The following PON3 variants were observed in gnomAD, a reference collection of about 807,000 sequenced individuals.
PON3 encodes serum paraoxonase/lactonase 3.
A neutral mutation model predicts 36.3 loss-of-function variants in PON3; 37 were observed. The observed-to-expected ratio is 1.02, with a 90% CI of 0.78 to 1.34. PON3 has a LOEUF of 1.34. Ranked by LOEUF, PON3 falls within the 40% of genes most tolerant of loss-of-function variation. The probability of loss-of-function intolerance (pLI) is 0.00; values close to 1 mark genes in which losing one functional copy is unlikely to be tolerated. For synonymous variants in PON3, 155 were observed against 154.8 expected (o/e 1.00, Z -0.01); for missense variants, 415 against 426.5 (o/e 0.97, Z 0.24).
intron 3 of PON3, 151 bp from the exon 4 acceptor site, chr7:95,372,489 T>C: frequency 1.2e-6 from 1 of 824,170 alleles, no homozygotes; most frequent in African/African-American, 1.7e-5. Flanking sequence ...GCTGTTTCCA[T>C]GATCTGATCT....
intron 2 of PON3, among the ~76,000 whole-genome samples, chr7:95,393,152 T>A (rs752406956): frequency 3.3e-5 from 5 of 152,214 alleles, no homozygotes; most frequent in Non-Finnish European, 1.5e-5. Flanking sequence ...ATCAAAAGGG[T>A]ACTTTTTCTG....
At chr7:95,372,729 AT>A (rs1562771968) in intron 3 of PON3, among the ~76,000 whole-genome samples, 1 of 152,198 alleles carries the variant, frequency 6.6e-6, no homozygotes, top group Non-Finnish European at 1.5e-5. Flanking sequence ...CGGTCCTGGT[AT>A]TCTATAACTA....
At chr7:95,373,278 C>T (rs766155440) in intron 3 of PON3, among the ~76,000 whole-genome samples, 1 of 152,184 alleles carries the variant, frequency 6.6e-6, no homozygotes, top group South Asian at 2.1e-4. Flanking sequence ...TCTACACACA[C>T]GTACACATAC....
At chr7:95,366,705 A>G (rs1251698708) in intron 5 of PON3, among the ~76,000 whole-genome samples, 1 of 152,238 alleles carries the variant, frequency 6.6e-6, no homozygotes, top group African/African-American at 2.4e-5. Flanking sequence ...TCAGCTTTGA[A>G]TTCAGATGGA....
intron 4 of PON3, among the ~76,000 whole-genome samples, chr7:95,368,496 C>T (rs998032605): frequency 1.1e-4 from 16 of 152,318 alleles, no homozygotes; most frequent in African/African-American, 3.6e-4. Flanking sequence ...AGCCCCAACA[C>T]GGACCTTCAG....
chr7:95,381,434 C>T (rs1011071628), intron 3 of PON3, among the ~76,000 whole-genome samples: 2 of 152,140 alleles, frequency 1.3e-5, no homozygotes, highest in East Asian at 3.9e-4. Context: ...CAAGACCCAT[C>T]AGTATGCTGT....
intron 3 of PON3, among the ~76,000 whole-genome samples, chr7:95,376,816 C>T (rs1808923950): frequency 1.3e-5 from 2 of 152,190 alleles, no homozygotes; most frequent in African/African-American, 4.8e-5. Flanking sequence ...CGGCCTGCGG[C>T]TCCCAGTGAG....
At chr7:95,373,767 C>T (rs961349959) in intron 3 of PON3, among the ~76,000 whole-genome samples, 13 of 152,108 alleles carry the variant, frequency 8.5e-5, no homozygotes, top group Admixed American at 5.9e-4. Flanking sequence ...GATAGGCAAT[C>T]TATTGGATTT....
chr7:95,384,083 G>A (rs936540805), intron 3 of PON3, among the ~76,000 whole-genome samples: 1 of 152,084 alleles, frequency 6.6e-6, no homozygotes, highest in Non-Finnish European at 1.5e-5. Flanking sequence ...TGACAAACCT[G>A]ATAAAAACAA....
At chr7:95,371,266 T>C (rs913329126) in intron 4 of PON3, among the ~76,000 whole-genome samples, 11 of 143,374 alleles carry the variant, frequency 7.7e-5, no homozygotes, top group African/African-American at 3.3e-4. Flanking sequence ...CATTTGTATA[T>C]GGGTTTTTGC....
intron 2 of PON3, among the ~76,000 whole-genome samples, chr7:95,391,882 AT>A (rs1252837584): frequency 1.3e-5 from 2 of 152,224 alleles, no homozygotes; most frequent in Non-Finnish European, 2.9e-5. Context: ...AGCTTCCAAA[AT>A]AAAAAATGTG....
intron 2 of PON3, 65 bp from the exon 3 acceptor site, chr7:95,390,274 C>T: frequency 1.6e-6 from 2 of 1,241,884 alleles, no homozygotes; most frequent in South Asian, 1.2e-5. Context: ...GTCTCACAGT[C>T]CAAACTACAA....
At chr7:95,382,274 A>G (rs886765216) in intron 3 of PON3, among the ~76,000 whole-genome samples, 1 of 152,246 alleles carries the variant, frequency 6.6e-6, no homozygotes, top group Non-Finnish European at 1.5e-5. Context: ...TCGACAACCT[A>G]ACATCACAAT....
At chr7:95,369,499 G>C (rs993516374) in intron 4 of PON3, among the ~76,000 whole-genome samples, 1 of 152,182 alleles carries the variant, frequency 6.6e-6, no homozygotes, top group Non-Finnish European at 1.5e-5. Context: ...TGTAGGCTGG[G>C]AGTGGTGGCT....
intron 5 of PON3, chr7:95,364,296 A>C: frequency 3.6e-6 from 2 of 558,062 alleles, no homozygotes; most frequent in South Asian, 4.2e-5. Context: ...AAATCAGTGA[A>C]AAGAAATAAA....
chr7:95,362,486 A>C lies in PON3; in HGVS notation c.782T>G (p.Ile261Arg). ...DNWDLTQLKVIQLGTLVDNLT... is the reference protein window; with the variant it reads ...DNWDLTQLKVRQLGTLVDNLT... Reference sequence around the variant, plus strand: ...GTTATCCACTAAGGTGCCCAACTGTATCACCTTACAACAAAGAGGGAGTAG... The same window carrying C: ...GTTATCCACTAAGGTGCCCAACTGTCTCACCTTACAACAAAGAGGGAGTAG... Residue 261 changes from isoleucine to arginine, a missense_variant, in exon 8 of 9, where the codon ATA becomes AGA. Physicochemically the swap from Ile to Arg is moderately conservative, Grantham distance 97. Coordinates refer to ENST00000265627, the MANE Select transcript of PON3 (RefSeq NM_000940.3). The C allele has an allele frequency of 6.2e-7, 1 of 1,613,690 alleles. No individual in the cohort carries two copies. The highest frequency in any genetic ancestry group is 8.5e-7 in the Non-Finnish European group (1 of 1,179,748).
chr7:95,391,132 T>A (rs1057458683), intron 2 of PON3, among the ~76,000 whole-genome samples: 4 of 152,214 alleles, frequency 2.6e-5, no homozygotes, highest in South Asian at 4.1e-4. Context: ...ACAGGCACTC[T>A]GATAAAGGAT....
At position 95,360,083 on chromosome 7, in the gene PON3, C is replaced by A. The variant is rs747343552; in HGVS notation, c.955G>T (p.Val319Leu). Residue 319 changes from valine to leucine, a missense_variant, in exon 9 of 9, where the codon GTG becomes TTG. Coordinates refer to ENST00000265627, the MANE Select transcript of PON3 (RefSeq NM_000940.3). ...AGCACAGAGCCATTGTTGGCATACA[C>A]GGTGCTCACCCTGGGCTTCTCAGAC... ...VLSEKPRVST[V>L]YANNGSVLQG... is the part of the protein sequence containing the mutation. The A allele has an allele frequency of 6.2e-7, 1 of 1,613,452 alleles. No homozygotes were observed. The highest frequency in any genetic ancestry group is 2.2e-5 in the East Asian group (1 of 44,872).
chr7:95,394,247 AT>A (rs1266861083), intron 2 of PON3, among the ~76,000 whole-genome samples: 1 of 151,978 alleles, frequency 6.6e-6, no homozygotes, highest in Non-Finnish European at 1.5e-5. Context: ...TTGAAAAAAA[AT>A]AACACTTGAA....
Sources: gnomAD v4.1 joint callset for allele counts (sites outside exome capture counted in the v4.1 genomes callset) on GRCh38, gnomAD v4.1.1 for gene constraint, MANE v1.5 for transcripts, NCBI Gene and HGNC (gene_info 2026-07-23, HGNC 2026-07-21) for gene names.